The following SAMD12 variants were observed in gnomAD, a reference collection of about 807,000 sequenced individuals.
SAMD12 encodes the protein sterile alpha motif domain-containing protein 12.
Under a neutral mutation model 15.0 loss-of-function variants are expected in SAMD12, and 9 were observed. The observed-to-expected ratio is 0.60, with a 90% CI of 0.36 to 1.05. The LOEUF (loss-of-function observed/expected upper bound fraction) is 1.05, where lower values mean the gene tolerates loss of function less well. Among genes scored for constraint, SAMD12 ranks in the 50% least tolerant of loss-of-function variants. The pLI is 0.01. For missense variants in SAMD12, 230 were observed against 234.2 expected (o/e 0.98, Z 0.12); for synonymous variants, 86 against 90.1 (o/e 0.96, Z 0.25).
chr8:118,157,660 A>G, the SAMD12 span, among the ~76,000 whole-genome samples: 1 of 152,360 alleles, frequency 6.6e-6, no homozygotes, highest in South Asian at 2.1e-4. Flanking sequence ...AGTATCTCAT[A>G]AATAGGAGCT....
At chr8:118,506,103 C>T (rs1824913643) in intron 2 of SAMD12, among the ~76,000 whole-genome samples, 1 of 152,152 alleles carries the variant, frequency 6.6e-6, no homozygotes, top group South Asian at 2.1e-4. Context: ...GCTAACAGAA[C>T]ACTGGTCCCT....
At chr8:118,329,366 G>A (rs1223769531) in intron 4 of SAMD12, among the ~76,000 whole-genome samples, 6 of 151,912 alleles carry the variant, frequency 3.9e-5, no homozygotes, top group African/African-American at 1.4e-4. Context: ...AAATTATTAT[G>A]ATTAAAATTA....
In SAMD12 at chr8:118,281,511, T is replaced by C. The variant is rs115686756; in HGVS notation, c.434-83779A>G. On this transcript the variant is annotated intron_variant, in intron 4 of 4. Transcript: ENST00000409003. ...TGCTGAATGAATGGATGACTTTTAA[T>C]AGATATAGACATTTTTAGGAATAGG... Among the ~76,000 whole-genome samples the C allele has an allele frequency of 6.5e-3, 989 of 152,372 alleles. 12 individuals carry two copies. The highest frequency in any genetic ancestry group is 0.023 in the African/African-American group (938 of 41,584).
chr8:118,233,353 T>C (rs1235278448), intron 4 of SAMD12, among the ~76,000 whole-genome samples: 13 of 152,176 alleles, frequency 8.5e-5, no homozygotes. Flanking sequence ...GGTTTTTGGA[T>C]ATGCTGAGCA....
At chr8:118,168,142 A>T in the SAMD12 span, among the ~76,000 whole-genome samples, 2 of 152,280 alleles carry the variant, frequency 1.3e-5, no homozygotes, top group South Asian at 4.2e-4. Context: ...GCCATGTGGA[A>T]CTGTAAGTCA....
the SAMD12 span, among the ~76,000 whole-genome samples, chr8:118,136,274 C>G: frequency 6.6e-6 from 1 of 151,258 alleles, no homozygotes. Flanking sequence ...AAGTGATCCG[C>G]CCGCCTTGGC....
intron 2 of SAMD12, among the ~76,000 whole-genome samples, chr8:118,571,762 A>T (rs933752664): frequency 2.8e-4 from 43 of 152,250 alleles, no homozygotes; most frequent in African/African-American, 1.0e-3. Flanking sequence ...ATTCCAGAAG[A>T]TGTATGGAAA....
chr8:118,454,389 G>A (rs1823179022), intron 2 of SAMD12, among the ~76,000 whole-genome samples: 1 of 151,910 alleles, frequency 6.6e-6, no homozygotes, highest in African/African-American at 2.4e-5. Flanking sequence ...TTTTATTCTT[G>A]ATATTCTGAA....
At chr8:118,598,957 T>G in intron 1 of SAMD12, among the ~76,000 whole-genome samples, 1 of 152,342 alleles carries the variant, frequency 6.6e-6, no homozygotes, top group South Asian at 2.1e-4. Flanking sequence ...ATCCCCAAAC[T>G]GTGCGATCTC....
At chr8:118,601,977 C>T (rs181843705) in intron 1 of SAMD12, among the ~76,000 whole-genome samples, 13 of 152,280 alleles carry the variant, frequency 8.5e-5, no homozygotes, top group African/African-American at 2.6e-4. Flanking sequence ...AGACTGTATG[C>T]TTAAATCAAG....
intron 2 of SAMD12, among the ~76,000 whole-genome samples, chr8:118,556,923 C>T (rs1826548818): frequency 6.6e-6 from 1 of 151,572 alleles, no homozygotes; most frequent in African/African-American, 2.4e-5. Flanking sequence ...GAGATCATGC[C>T]ACCACACTCC....
At chr8:118,536,787 C>G (rs933607357) in intron 2 of SAMD12, among the ~76,000 whole-genome samples, 1 of 152,198 alleles carries the variant, frequency 6.6e-6, no homozygotes, top group African/African-American at 2.4e-5. Flanking sequence ...TCTTTCTACT[C>G]AAGATATGAG....
intron 2 of SAMD12, among the ~76,000 whole-genome samples, chr8:118,512,956 A>G (rs1586777096): frequency 1.3e-5 from 2 of 152,174 alleles, no homozygotes; most frequent in East Asian, 3.8e-4. Flanking sequence ...TGTTTTGTGC[A>G]CTACTGAGAG....
At chr8:118,373,467 C>T (rs747669208), downstream of SAMD12, among the ~76,000 whole-genome samples, 5 of 152,046 alleles carry the variant, frequency 3.3e-5, no homozygotes, top group East Asian at 1.9e-4. Flanking sequence ...ATAGCTAGTC[C>T]GTACATATAG....
intron 2 of SAMD12, among the ~76,000 whole-genome samples, chr8:118,535,624 TA>T (rs1230577146): frequency 6.6e-6 from 1 of 152,220 alleles, no homozygotes; most frequent in Non-Finnish European, 1.5e-5. Context: ...CTGCTTTGTT[TA>T]CCTACTCAAG....
intron 4 of SAMD12, among the ~76,000 whole-genome samples, chr8:118,333,596 TCC>T (rs1367295746): frequency 6.6e-6 from 1 of 151,768 alleles, no homozygotes; most frequent in Non-Finnish European, 1.5e-5. Context: ...AGAAGGAGTG[TCC>T]CATTTTCAGG....
chr8:118,539,748 T>C (rs1825939702), intron 2 of SAMD12, among the ~76,000 whole-genome samples: 1 of 152,042 alleles, frequency 6.6e-6, no homozygotes, highest in Non-Finnish European at 1.5e-5. Context: ...CAACTAAAAC[T>C]GAATAGTATA....
chr8:118,453,987 T>C (rs1586730233), intron 2 of SAMD12, among the ~76,000 whole-genome samples: 1 of 152,196 alleles, frequency 6.6e-6, no homozygotes, highest in African/African-American at 2.4e-5. Context: ...CCAGACCTGC[T>C]ACAAAGGGGC....
At chr8:118,486,370 T>C (rs964181878) in intron 2 of SAMD12, among the ~76,000 whole-genome samples, 4 of 151,330 alleles carry the variant, frequency 2.6e-5, no homozygotes, top group Middle Eastern at 6.4e-3. Flanking sequence ...GAGCCGAGAT[T>C]GCGCCACTGC....
Sources: allele counts gnomAD v4.1 joint callset (sites outside exome capture counted in the v4.1 genomes callset), GRCh38; gene constraint gnomAD v4.1.1; transcripts MANE v1.5; gene names NCBI Gene and HGNC (gene_info 2026-07-23, HGNC 2026-07-21).